The following MBD5 variants were observed in gnomAD, a reference collection of about 807,000 sequenced individuals.
MBD5 encodes methyl-CpG binding domain protein 5.
In MBD5, 13 loss-of-function variants were observed where a neutral mutation model predicts 117.3. That is an observed-to-expected ratio of 0.11 (90% CI 0.07 to 0.18). The LOEUF (loss-of-function observed/expected upper bound fraction) is 0.18, where lower values mean the gene tolerates loss of function less well. Ranked by LOEUF, MBD5 falls within the 10% of genes least tolerant of loss-of-function variation. The pLI, the probability that MBD5 is intolerant of heterozygous loss-of-function variation, is 1.00. For missense variants in MBD5, 1,879 were observed against 2,093.8 expected (o/e 0.90, Z 2.00); for synonymous variants, 727 against 766.4 (o/e 0.95, Z 0.85).
chr2:148,033,137 A>G (rs1284959426), intron 1 of MBD5, among the ~76,000 whole-genome samples: 1 of 152,168 alleles, frequency 6.6e-6, no homozygotes, highest in Non-Finnish European at 1.5e-5. Context: ...GTAGAAGGAG[A>G]GTAGAAGTAT....
intron 4 of MBD5, among the ~76,000 whole-genome samples, chr2:148,451,325 T>C (rs1706721226): frequency 6.6e-6 from 1 of 152,152 alleles, no homozygotes; most frequent in Non-Finnish European, 1.5e-5. Flanking sequence ...AAAATGGGGC[T>C]AGTGTATTGC....
intron 11 of MBD5, among the ~76,000 whole-genome samples, chr2:148,500,160 A>G (rs1681827351): frequency 6.6e-6 from 1 of 152,184 alleles, no homozygotes; most frequent in South Asian, 2.1e-4. Flanking sequence ...AAATTATTCA[A>G]GCATAAAAAA....
At chr2:148,164,109 T>C (rs1574084813) in intron 1 of MBD5, among the ~76,000 whole-genome samples, 1 of 152,346 alleles carries the variant, frequency 6.6e-6, no homozygotes, top group South Asian at 2.1e-4. Context: ...CAAACAGTCC[T>C]ACTAGGTAGC....
chr2:148,387,439 G>A (rs1258953818), intron 4 of MBD5, among the ~76,000 whole-genome samples: 1 of 152,084 alleles, frequency 6.6e-6, no homozygotes, highest in Non-Finnish European at 1.5e-5. Flanking sequence ...CATACAGCAA[G>A]TATCATTCTT....
At chr2:148,226,540 C>A (rs987988515) in intron 2 of MBD5, among the ~76,000 whole-genome samples, 9 of 152,274 alleles carry the variant, frequency 5.9e-5, no homozygotes, top group African/African-American at 1.9e-4. Flanking sequence ...GGTTCCAAGT[C>A]TTTGCTATTG....
chr2:148,330,806 A>C lies in MBD5; in HGVS notation c.-679-11408A>C, dbSNP rs568938975. Among the ~76,000 whole-genome samples the C allele has an allele frequency of 2.0e-5, 3 of 152,336 alleles. No individual in the cohort carries two copies. The South Asian group carries it at 6.2e-4, about 32-fold the overall frequency. On this transcript the variant is annotated intron_variant, in intron 3 of 13. Transcript: ENST00000642680. ...GTTAGGAATTTTGGAATACTAAATC[A>C]AAATAGCTAACAAGTATTAGCTACT...
intron 1 of MBD5, among the ~76,000 whole-genome samples, chr2:148,112,389 C>T (rs1466706150): frequency 1.3e-5 from 2 of 152,152 alleles, no homozygotes; most frequent in African/African-American, 2.4e-5. Context: ...ATGTTCTGTT[C>T]TTCTCTATAA....
intron 4 of MBD5, among the ~76,000 whole-genome samples, chr2:148,415,209 A>C (rs1345395147): frequency 6.6e-6 from 1 of 151,498 alleles, no homozygotes; most frequent in Admixed American, 6.6e-5. Flanking sequence ...GGGTCTTTTT[A>C]CTCCTGTATT....
intron 8 of MBD5, among the ~76,000 whole-genome samples, chr2:148,475,690 G>A (rs937480765): frequency 6.6e-6 from 1 of 152,090 alleles, no homozygotes; most frequent in African/African-American, 2.4e-5. Context: ...AGATGCCTAA[G>A]CTACTATTTA....
chr2:148,384,844 A>G (rs1704293580), intron 4 of MBD5, among the ~76,000 whole-genome samples: 1 of 151,940 alleles, frequency 6.6e-6, no homozygotes, highest in South Asian at 2.1e-4. Context: ...CAAACCTGAG[A>G]AAAACAAGCA....
intron 3 of MBD5, among the ~76,000 whole-genome samples, chr2:148,302,931 G>C (rs955868825): frequency 9.4e-5 from 14 of 149,554 alleles, no homozygotes; most frequent in Non-Finnish European, 1.6e-4. Context: ...ACACTAAAGC[G>C]TATATGTTTC....
intron 4 of MBD5, among the ~76,000 whole-genome samples, chr2:148,357,886 T>C (rs776762050): frequency 6.6e-6 from 1 of 152,072 alleles, no homozygotes; most frequent in Non-Finnish European, 1.5e-5. Context: ...TCAGTAAATC[T>C]CCCCATTTTC....
intron 4 of MBD5, among the ~76,000 whole-genome samples, chr2:148,401,907 G>A (rs1704934922): frequency 6.6e-6 from 1 of 151,882 alleles, no homozygotes. Context: ...GACACTTTCA[G>A]TACTATTCAG....
At chr2:148,389,506 A>C (rs1178591855) in intron 4 of MBD5, among the ~76,000 whole-genome samples, 1 of 151,714 alleles carries the variant, frequency 6.6e-6, no homozygotes, top group Non-Finnish European at 1.5e-5. Context: ...AGAAATCTCC[A>C]CATCATTTTC....
intron 1 of MBD5, among the ~76,000 whole-genome samples, chr2:148,122,111 C>A (rs1235760176): frequency 6.6e-6 from 1 of 152,106 alleles, no homozygotes; most frequent in East Asian, 1.9e-4. Flanking sequence ...CTGACCTCCG[C>A]ATTTTTGGTC....
At chr2:148,037,445 G>T (rs979636) in intron 1 of MBD5, among the ~76,000 whole-genome samples, 89,007 of 151,584 alleles carry the variant, frequency 0.59, 26,410 homozygotes, top group Middle Eastern at 0.72. Flanking sequence ...CACTTTAAAT[G>T]TCTGCTAAAA....
At chr2:148,089,770 C>T (rs1307363207) in intron 1 of MBD5, among the ~76,000 whole-genome samples, 1 of 151,946 alleles carries the variant, frequency 6.6e-6, no homozygotes, top group Non-Finnish European at 1.5e-5. Flanking sequence ...GATCTAAGGT[C>T]AGACCTCAAG....
intron 3 of MBD5, among the ~76,000 whole-genome samples, chr2:148,315,675 CT>C (rs1702141662): frequency 6.6e-6 from 1 of 152,178 alleles, no homozygotes; most frequent in South Asian, 2.1e-4. Context: ...CATTAATCCT[CT>C]GATAAATCCA....
intron 4 of MBD5, among the ~76,000 whole-genome samples, chr2:148,417,504 T>C (rs899965371): frequency 5.3e-5 from 8 of 152,106 alleles, no homozygotes; most frequent in Non-Finnish European, 1.2e-4. Context: ...AAATGGTAGA[T>C]CTATGTTTAG....
Sources: allele counts gnomAD v4.1 joint callset (sites outside exome capture counted in the v4.1 genomes callset), GRCh38; gene constraint gnomAD v4.1.1; transcripts MANE v1.5; gene names NCBI Gene and HGNC (gene_info 2026-07-23, HGNC 2026-07-21).